Variants in TANC2 observed in about 807,000 individuals in gnomAD.
TANC2 encodes tetratricopeptide repeat, ankyrin repeat and coiled-coil containing 2, also known as protein TANC2.
In TANC2, 26 loss-of-function variants were observed where a neutral mutation model predicts 210.5. That is an observed-to-expected ratio of 0.12 (90% CI 0.09 to 0.17). The LOEUF (loss-of-function observed/expected upper bound fraction) is 0.17, where lower values mean the gene tolerates loss of function less well. Among genes scored for constraint, TANC2 ranks in the 10% least tolerant of loss-of-function variants. The probability of loss-of-function intolerance (pLI) is 1.00; values close to 1 mark genes in which losing one functional copy is unlikely to be tolerated. For synonymous variants in TANC2, 931 were observed against 967.1 expected, an observed-to-expected ratio of 0.96 and a Z score of 0.69; for missense variants, 2,129 against 2,608.9, an observed-to-expected ratio of 0.82 and a Z score of 4.01.
chr17:63,078,045 C>T (rs1428267919), intron 3 of TANC2, among the ~76,000 whole-genome samples: 1 of 152,094 alleles, frequency 6.6e-6, no homozygotes, highest in African/African-American at 2.4e-5. Flanking sequence ...GTTTCAACTT[C>T]AGTTTCCTCC....
Position 63,082,698 on chromosome 17 carries a change from C to G in TANC2, c.139+8684C>G, listed in dbSNP as rs2036824220. Among the ~76,000 whole-genome samples, 6 of 152,186 alleles carry G rather than the reference C, an allele frequency of 3.9e-5. No homozygotes were observed. In the South Asian group the frequency reaches 1.0e-3, roughly 26 times the overall value. ...TGTAGGGTGATCATTCAGCTGTGGCCTTAGATTAGTATTGATGAGTGGAAG... is the reference window on the plus strand; with the variant it reads ...TGTAGGGTGATCATTCAGCTGTGGCGTTAGATTAGTATTGATGAGTGGAAG... On this transcript the variant is annotated intron_variant, in intron 3 of 27. Transcript: ENST00000689528.
chr17:63,223,354 T>C (rs901483454), intron 7 of TANC2, among the ~76,000 whole-genome samples: 7 of 152,136 alleles, frequency 4.6e-5, no homozygotes, highest in Admixed American at 2.0e-4. Flanking sequence ...AGCAATAGTA[T>C]ATAGCAAAAT....
At chr17:63,028,904 T>C (rs2034659988) in intron 2 of TANC2, among the ~76,000 whole-genome samples, 1 of 152,062 alleles carries the variant, frequency 6.6e-6, no homozygotes, top group Non-Finnish European at 1.5e-5. Context: ...CTTCATGTAG[T>C]CAGTAGGATA....
chr17:63,139,913 A>G (rs1275356979), intron 4 of TANC2, among the ~76,000 whole-genome samples: 1 of 152,240 alleles, frequency 6.6e-6, no homozygotes, highest in Non-Finnish European at 1.5e-5. Context: ...CAAGAAAGAA[A>G]GAAATACATG....
At chr17:63,013,489 G>T (rs1007587427) in intron 2 of TANC2, among the ~76,000 whole-genome samples, 1 of 151,980 alleles carries the variant, frequency 6.6e-6, no homozygotes, top group Non-Finnish European at 1.5e-5. Context: ...GGCCAAGTGT[G>T]GCAGTGCACG....
chr17:63,398,287 GA>G (rs951336991), intron 18 of TANC2, among the ~76,000 whole-genome samples: 49 of 148,246 alleles, frequency 3.3e-4, no homozygotes, highest in African/African-American at 8.9e-4. Context: ...CTCTGGGGAA[GA>G]AAAAAAAAAC....
At chr17:63,021,653 A>G (rs141110172) in intron 2 of TANC2, among the ~76,000 whole-genome samples, 6 of 152,368 alleles carry the variant, frequency 3.9e-5, no homozygotes, top group African/African-American at 1.4e-4. Context: ...GACTAAGACA[A>G]AATTGGTACT....
chr17:63,399,053 C>G, intron 19 of TANC2, 139 bp downstream of exon 19: 1 of 532,674 alleles, frequency 1.9e-6, no homozygotes, highest in South Asian at 3.2e-5. Flanking sequence ...TTCAGCCAAA[C>G]TAAACAGTCA....
At chr17:63,098,662 G>A (rs1449022270) in intron 3 of TANC2, among the ~76,000 whole-genome samples, 3 of 151,688 alleles carry the variant, frequency 2.0e-5, no homozygotes, top group African/African-American at 4.8e-5. Flanking sequence ...ATAAGTAGAA[G>A]TAAACAGCAT....
intron 4 of TANC2, among the ~76,000 whole-genome samples, chr17:63,110,982 T>C (rs2038018424): frequency 6.6e-6 from 1 of 152,172 alleles, no homozygotes; most frequent in South Asian, 2.1e-4. Flanking sequence ...TATTGTATTA[T>C]TGGTATTTCT....
chr17:63,053,274 T>A (rs902984718), intron 2 of TANC2, among the ~76,000 whole-genome samples: 1 of 152,266 alleles, frequency 6.6e-6, no homozygotes, highest in African/African-American at 2.4e-5. Context: ...CTTTCTAATC[T>A]CTATTGAACT....
chr17:63,137,929 A>G (rs1343525063), intron 4 of TANC2, among the ~76,000 whole-genome samples: 5 of 152,188 alleles, frequency 3.3e-5, no homozygotes, highest in Non-Finnish European at 4.4e-5. Flanking sequence ...AAGGTATTAT[A>G]TAGAGTATAG....
At chr17:63,396,814 C>T (rs1262482941) in intron 18 of TANC2, 1 of 151,860 alleles carries the variant, frequency 6.6e-6, no homozygotes, top group East Asian at 1.9e-4. Context: ...CTGGGGACTA[C>T]TGGGAGGGGA....
intron 2 of TANC2, among the ~76,000 whole-genome samples, chr17:63,070,699 T>G (rs1354381077): frequency 6.6e-6 from 1 of 152,194 alleles, no homozygotes; most frequent in Non-Finnish European, 1.5e-5. Flanking sequence ...AATAATATTT[T>G]GTGACATATA....
chr17:63,273,260 T>A (rs992034990), intron 9 of TANC2, among the ~76,000 whole-genome samples: 1 of 152,138 alleles, frequency 6.6e-6, no homozygotes, highest in African/African-American at 2.4e-5. Context: ...TCCACTGCAC[T>A]CCAGTCTGGG....
chr17:63,297,418 C>G (rs1452339301), intron 9 of TANC2, among the ~76,000 whole-genome samples: 1 of 152,102 alleles, frequency 6.6e-6, no homozygotes, highest in Non-Finnish European at 1.5e-5. Context: ...CCCCATACAT[C>G]TATAGCCAAT....
chr17:63,264,225 C>T (rs571387945), intron 8 of TANC2, among the ~76,000 whole-genome samples: 1 of 152,300 alleles, frequency 6.6e-6, no homozygotes, highest in Admixed American at 6.5e-5. Context: ...TAAAGCAAGT[C>T]AAATGATCAA....
At chr17:63,396,132 C>T (rs915774091) in intron 18 of TANC2, 8 of 524,350 alleles carry the variant, frequency 1.5e-5, no homozygotes, top group South Asian at 2.5e-5. Context: ...TAGAAAGGTG[C>T]GAGTTGGAAA....
intron 1 of TANC2, among the ~76,000 whole-genome samples, chr17:63,001,609 C>A (rs241069): frequency 6.7e-6 from 1 of 148,994 alleles, no homozygotes; most frequent in Non-Finnish European, 1.5e-5. Flanking sequence ...CTGGAGTCCT[C>A]TGGCAGCTCG....
Sources: gnomAD v4.1 joint callset for allele counts (sites outside exome capture counted in the v4.1 genomes callset) on GRCh38, gnomAD v4.1.1 for gene constraint, MANE v1.5 for transcripts, NCBI Gene and HGNC (gene_info 2026-07-23, HGNC 2026-07-21) for gene names.